Variants in FAM168A observed in about 807,000 individuals in gnomAD.
FAM168A encodes the protein protein FAM168A.
Under a neutral mutation model 28.5 loss-of-function variants are expected in FAM168A, and 3 were observed. That is an observed-to-expected ratio of 0.11 (90% CI 0.05 to 0.27). FAM168A has a LOEUF of 0.27. Among genes scored for constraint, FAM168A ranks in the 10% least tolerant of loss-of-function variants. The pLI, the probability that FAM168A is intolerant of heterozygous loss-of-function variation, is 1.00. For missense variants in FAM168A, 222 were observed against 311.5 expected (o/e 0.71, Z 2.16); for synonymous variants, 122 against 124.2 (o/e 0.98, Z 0.12).
intron 1 of FAM168A, among the ~76,000 whole-genome samples, chr11:73,552,567 A>C (rs938107123): frequency 6.6e-6 from 1 of 152,356 alleles, no homozygotes; most frequent in South Asian, 2.1e-4. Flanking sequence ...AGTGAACTAC[A>C]GTTTCTTTAT....
At chr11:73,451,234 C>G (rs919541611) in intron 2 of FAM168A, among the ~76,000 whole-genome samples, 11 of 152,148 alleles carry the variant, frequency 7.2e-5, no homozygotes, top group Non-Finnish European at 1.6e-4. Flanking sequence ...CCAGAGTTCC[C>G]TATAAATAAT....
chr11:73,421,072 G>GC (rs377246704), intron 3 of FAM168A, among the ~76,000 whole-genome samples: 1,690 of 100,404 alleles, frequency 0.017, 37 homozygotes, highest in African/African-American at 0.085. Context: ...ATAAAGTCTT[G>GC]GGGGGGGGGT....
Position 73,409,483 on chromosome 11 carries a change from T to C in FAM168A, c.595+4A>G. The C allele has an allele frequency of 2.5e-6, 4 of 1,613,558 alleles. No homozygotes were observed. The highest frequency in any genetic ancestry group is 2.5e-6 in the Non-Finnish European group (3 of 1,179,782). On this transcript the variant is annotated splice_donor_region_variant and intron_variant, in intron 6 of 7. Coordinates refer to ENST00000356467, the MANE Select transcript of FAM168A (RefSeq NM_015159.3). Reference sequence around the variant, plus strand: ...ATGGACACTGATGCAGATGCTGCCCTCACCTGCTGACATTGCCATGGTGGT... The same window carrying C: ...ATGGACACTGATGCAGATGCTGCCCCCACCTGCTGACATTGCCATGGTGGT...
At chr11:73,463,464 A>T (rs1374946658) in intron 2 of FAM168A, among the ~76,000 whole-genome samples, 1 of 152,228 alleles carries the variant, frequency 6.6e-6, no homozygotes, top group Admixed American at 6.5e-5. Context: ...TTTTAGACAT[A>T]ATAAGTCTGA....
At chr11:73,549,223 T>G (rs537779593) in intron 1 of FAM168A, among the ~76,000 whole-genome samples, 5 of 152,298 alleles carry the variant, frequency 3.3e-5, no homozygotes, top group Admixed American at 2.6e-4. Context: ...ATTATAGGCA[T>G]GAGCCACCAT....
chr11:73,535,955 C>T (rs1234414926), intron 1 of FAM168A, among the ~76,000 whole-genome samples: 2 of 151,830 alleles, frequency 1.3e-5, no homozygotes, highest in Non-Finnish European at 2.9e-5. Flanking sequence ...AGGTGATCCT[C>T]CCACCTCAGC....
intron 1 of FAM168A, among the ~76,000 whole-genome samples, chr11:73,511,425 A>G (rs1353980773): frequency 6.6e-6 from 1 of 151,844 alleles, no homozygotes; most frequent in Non-Finnish European, 1.5e-5. Flanking sequence ...TTCAGTAGAG[A>G]CGGGGTTTCA....
chr11:73,550,893 G>A (rs1218635491), intron 1 of FAM168A, among the ~76,000 whole-genome samples: 2 of 152,104 alleles, frequency 1.3e-5, no homozygotes, highest in African/African-American at 4.8e-5. Context: ...CAGATCACAA[G>A]TCAGGAGATC....
At chr11:73,420,925 G>A (rs1866781078) in intron 3 of FAM168A, 1 of 152,632 alleles carries the variant, frequency 6.6e-6, no homozygotes, top group South Asian at 2.1e-4. Context: ...AAGAGAAACA[G>A]AGTTCTGAAG....
intron 1 of FAM168A, among the ~76,000 whole-genome samples, chr11:73,553,957 CCA>C (rs1424357615): frequency 6.6e-6 from 1 of 152,086 alleles, no homozygotes; most frequent in Admixed American, 6.5e-5. Flanking sequence ...CCACTGCACT[CCA>C]GTCACTGCAC....
At chr11:73,490,221 C>A (rs993486377) in intron 1 of FAM168A, among the ~76,000 whole-genome samples, 12 of 152,158 alleles carry the variant, frequency 7.9e-5, no homozygotes, top group African/African-American at 2.9e-4. Flanking sequence ...ATTCAGAATT[C>A]AATCAATTCT....
rs1293397674 is a variant in FAM168A at position 73,403,817 on chromosome 11, G to A, written c.*2946C>T. ...GGGCTCATACTGAAAAAGGGGTGCTGGACCTGGGCTCTTCCAGACCACAGC... is the reference window on the plus strand; with the variant it reads ...GGGCTCATACTGAAAAAGGGGTGCTAGACCTGGGCTCTTCCAGACCACAGC... On this transcript the variant is annotated 3_prime_UTR_variant, in exon 8 of 8. Coordinates refer to ENST00000356467, the MANE Select transcript of FAM168A (RefSeq NM_015159.3). 6.6e-6 allele frequency: 1 copy of A among 152,218 alleles called. No homozygotes were observed. Among genetic ancestry groups the A allele is most frequent in the Non-Finnish European group, 1.5e-5 (1 of 68,076 alleles). 9.4% of individuals were successfully genotyped at this position (152,218 alleles called of 1,614,324 possible). A position where few individuals can be genotyped will look rare whatever the true frequency, so the allele number is the denominator to read the frequency against.
intron 1 of FAM168A, among the ~76,000 whole-genome samples, chr11:73,548,915 A>G (rs981461967): frequency 6.6e-6 from 1 of 151,798 alleles, no homozygotes; most frequent in Non-Finnish European, 1.5e-5. Context: ...GGATTATAGG[A>G]GTGAACCACC....
At chr11:73,425,258 T>C (rs540141853) in intron 3 of FAM168A, among the ~76,000 whole-genome samples, 99 of 152,336 alleles carry the variant, frequency 6.5e-4, no homozygotes, top group African/African-American at 2.2e-3. Context: ...AGCCCCTCCC[T>C]GGATGCCATA....
chr11:73,455,325 C>A (rs970604798), intron 2 of FAM168A, among the ~76,000 whole-genome samples: 1 of 152,252 alleles, frequency 6.6e-6, no homozygotes, highest in African/African-American at 2.4e-5. Context: ...GGTTCGCTCA[C>A]ACGCTCTGTC....
intron 2 of FAM168A, among the ~76,000 whole-genome samples, chr11:73,442,227 G>A (rs980319751): frequency 2.0e-5 from 3 of 149,980 alleles, no homozygotes; most frequent in Admixed American, 6.7e-5. Context: ...CCGGATTCAC[G>A]CCATTCTCCT....
chr11:73,525,431 G>C (rs1943436333), intron 1 of FAM168A, among the ~76,000 whole-genome samples: 1 of 152,102 alleles, frequency 6.6e-6, no homozygotes, highest in Non-Finnish European at 1.5e-5. Context: ...ACTGAATGAA[G>C]ACCTTCACTA....
intron 1 of FAM168A, among the ~76,000 whole-genome samples, chr11:73,479,659 T>C (rs1231542823): frequency 1.3e-5 from 2 of 152,230 alleles, no homozygotes; most frequent in African/African-American, 2.4e-5. Flanking sequence ...CACAGCTCTC[T>C]ACACTTCTAT....
chr11:73,487,696 A>G (rs1868071156), intron 1 of FAM168A, among the ~76,000 whole-genome samples: 1 of 152,104 alleles, frequency 6.6e-6, no homozygotes, highest in Non-Finnish European at 1.5e-5. Flanking sequence ...ATAATCCTTG[A>G]CCGTGTTATT....
Sources: allele counts gnomAD v4.1 joint callset (sites outside exome capture counted in the v4.1 genomes callset), GRCh38; gene constraint gnomAD v4.1.1; transcripts MANE v1.5; gene names NCBI Gene and HGNC (gene_info 2026-07-23, HGNC 2026-07-21).